The following HDLBP variants were observed in gnomAD, a reference collection of about 807,000 sequenced individuals.
The protein encoded by HDLBP is vigilin.
Under a neutral mutation model 137.3 loss-of-function variants are expected in HDLBP, and 30 were observed. The ratio of observed to expected loss-of-function variants is 0.22; its 90% CI spans 0.16 to 0.30. The LOEUF (loss-of-function observed/expected upper bound fraction) is 0.30, where lower values mean the gene tolerates loss of function less well. Ranked by LOEUF, HDLBP falls within the 10% of genes least tolerant of loss-of-function variation. The pLI is 1.00. For synonymous variants in HDLBP, 606 were observed against 596.0 expected (o/e 1.02, Z -0.24); for missense variants, 1,119 against 1,667.3 (o/e 0.67, Z 5.73).
At position 241,272,871 on chromosome 2, in the gene HDLBP, C is replaced by T. The variant is rs2074218661; in HGVS notation, c.-102-4330G>A. ...GGGCCCCGGCTGCTATATAGGGCGG[C>T]GGCCCAATCCCGCCTGGACACGTCA... On this transcript the variant is annotated intron_variant, in intron 1 of 27. Transcript: ENST00000310931. This position sits in a 1 kb window ranked among gnomAD's most constrained non-coding sequence, Gnocchi z 5.6. 8.3e-6 allele frequency: 3 copies of T among 360,316 alleles called. No homozygotes were observed. Among genetic ancestry groups the T allele is most frequent in the African/African-American group, 2.2e-5 (1 of 45,106 alleles). The allele number at this position is 360,316 out of a possible 1,614,324, so 22.3% of individuals were successfully genotyped here.
chr2:241,273,348 ATC>A, intron 1 of HDLBP: 1 of 632,486 alleles, frequency 1.6e-6, no homozygotes, highest in Non-Finnish European at 2.0e-6. Context: ...AATCAACTTA[ATC>A]TCCCCCCCAA....
At chr2:241,273,022 G>C in intron 1 of HDLBP, 1 of 985,392 alleles carries the variant, frequency 1.0e-6, no homozygotes, top group Non-Finnish European at 1.2e-6. Flanking sequence ...CCGAGGAGTT[G>C]GGAAATTAAT....
chr2:241,274,589 G>A (rs1330770413), intron 1 of HDLBP, among the ~76,000 whole-genome samples: 1 of 152,160 alleles, frequency 6.6e-6, no homozygotes. Context: ...ATAAAGCTAG[G>A]AAGTCAGCAC....
In HDLBP at chr2:241,248,083, T is replaced by C. The variant is rs745750949; in HGVS notation, c.1651A>G (p.Ser551Gly). 1 of 1,614,100 alleles carries C rather than the reference T, an allele frequency of 6.2e-7. No individual in the cohort carries two copies. Among genetic ancestry groups the C allele is most frequent in the Non-Finnish European group, 8.5e-7 (1 of 1,179,926 alleles). Residue 551 changes from serine to glycine, a missense_variant, in exon 14 of 28, where the codon AGT becomes GGT. Around this residue, in one of 4 missense-constraint regions of HDLBP, gnomAD observed 425 missense variants for 693.9 expected, o/e 0.61. Transcript: ENST00000310931. ...GGTCCTCTGAGCTGGACAATGTCAC[T>C]TTTTTGTGCTGGGTCTGGAAAGTTA... The part of the protein sequence containing the change: ...IINFPDPAQK[S>G]DIVQLRGPKN...
At chr2:241,305,148 G>A (rs935404189) in intron 1 of HDLBP, among the ~76,000 whole-genome samples, 6 of 152,206 alleles carry the variant, frequency 3.9e-5, no homozygotes, top group Admixed American at 6.5e-5. Flanking sequence ...TTGAGACGGA[G>A]TCTCGCTCTG....
intron 16 of HDLBP, among the ~76,000 whole-genome samples, chr2:241,243,945 C>T (rs574293047): frequency 6.6e-6 from 1 of 152,058 alleles, no homozygotes; most frequent in Non-Finnish European, 1.5e-5. Flanking sequence ...CCAGAAATGA[C>T]AGTGTTAGAA....
At chr2:241,246,530 C>CA in intron 16 of HDLBP, 2 of 470,898 alleles carry the variant, frequency 4.2e-6, no homozygotes, top group East Asian at 6.7e-5. Flanking sequence ...GACAAGTGCC[C>CA]ACGTCAAATG....
rs1327686697 is a variant in HDLBP, at chr2:241,238,376, G to A, written c.2749+273C>T. ...CACTGGGACTGAACTCGGGACACCC[G>A]AGGATGAGGCTGCACGCTCCTCATC... On this transcript the variant is annotated intron_variant, in intron 20 of 27. Transcript: ENST00000310931. This position sits in a 1 kb window ranked among gnomAD's most constrained non-coding sequence, Gnocchi z 4.9. 4 of 287,866 alleles carry A rather than the reference G, an allele frequency of 1.4e-5. No individual in the cohort carries two copies. Among genetic ancestry groups the A allele is most frequent in the South Asian group, 1.5e-4 (1 of 6,602 alleles). The allele number at this position is 287,866 out of a possible 1,614,324, so 17.8% of individuals were successfully genotyped here. A position where few individuals can be genotyped will look rare whatever the true frequency, so the allele number is the denominator to read the frequency against.
At position 241,230,593 on chromosome 2, in the gene HDLBP, G is replaced by A. The variant is rs992725882; in HGVS notation, c.3474+166C>T. Among the ~76,000 whole-genome samples the A allele has an allele frequency of 4.1e-4, 63 of 152,218 alleles. No homozygotes were observed. Among genetic ancestry groups the A allele is most frequent in the African/African-American group, 1.4e-3 (58 of 41,462 alleles). The stretch of plus-strand genomic sequence containing the variant: ...GTGGCAGTGCAGCCTCACACAGGCC[G>A]TCGCCTGCACTGACCCGTGGTGTCC... On this transcript the variant is annotated intron_variant, in intron 25 of 27. Transcript: ENST00000310931. This position sits in a 1 kb window ranked among gnomAD's most constrained non-coding sequence, Gnocchi z 5.0.
Position 241,262,882 on chromosome 2 carries a change from G to A in HDLBP, c.279C>T (p.Asn93=), listed in dbSNP as rs766589526. Residue 93 remains asparagine, a synonymous_variant, in exon 5 of 28, where the codon AAC becomes AAT. Coordinates refer to ENST00000310931, the MANE Select transcript of HDLBP (RefSeq NM_005336.6). The part of the protein sequence containing the change: ...PLEERKYKDM[N]QFGEGEQAKI... ...TTGCTTGTTCACCTTCTCCAAACTG[G>A]TTCATATCCTTGTATTTTCTCTCCT... 1.2e-6 allele frequency: 2 copies of A among 1,614,052 alleles called. No individual in the cohort carries two copies. The highest frequency in any genetic ancestry group is 2.2e-5 in the East Asian group (1 of 44,884).
intron 1 of HDLBP, among the ~76,000 whole-genome samples, chr2:241,302,882 A>G (rs2149699816): frequency 6.6e-6 from 1 of 152,260 alleles, no homozygotes; most frequent in Admixed American, 6.5e-5. Flanking sequence ...GGTTTGAAGG[A>G]TGACCAAGGA....
intron 1 of HDLBP, among the ~76,000 whole-genome samples, chr2:241,300,183 C>G (rs942834714): frequency 3.3e-5 from 5 of 152,120 alleles, no homozygotes; most frequent in Non-Finnish European, 5.9e-5. Flanking sequence ...CAAACAACTT[C>G]GAGGTCCACA....
chr2:241,231,611 C>A (rs1001455577), intron 24 of HDLBP, among the ~76,000 whole-genome samples: 2 of 152,136 alleles, frequency 1.3e-5, no homozygotes, highest in Admixed American at 6.5e-5. Flanking sequence ...CCCACGTGGG[C>A]CACAGTCTGG....
chr2:241,291,750 T>C (rs2075019210), intron 1 of HDLBP, among the ~76,000 whole-genome samples: 1 of 152,186 alleles, frequency 6.6e-6, no homozygotes, highest in African/African-American at 2.4e-5. Flanking sequence ...TACAGATGAA[T>C]TAAGAATCTT....
Position 241,262,861 on chromosome 2 carries a change from T to C in HDLBP, c.300A>G (p.Gln100=), listed in dbSNP as rs1214674611. 6.2e-7 allele frequency: 1 copy of C among 1,614,226 alleles called. No individual in the cohort carries two copies. The highest frequency in any genetic ancestry group is 8.5e-7 in the Non-Finnish European group (1 of 1,180,038). Residue 100 remains glutamine (Q), a synonymous_variant, in exon 5 of 28, where the codon CAA becomes CAG. Coordinates refer to ENST00000310931, the MANE Select transcript of HDLBP (RefSeq NM_005336.6). ...GCATGATCTCAAGGCAGATTTTTGCTTGTTCACCTTCTCCAAACTGGTTCA... is the reference window on the plus strand; with the variant it reads ...GCATGATCTCAAGGCAGATTTTTGCCTGTTCACCTTCTCCAAACTGGTTCA... ...KDMNQFGEGE[Q]AKICLEIMQR...
intron 1 of HDLBP, among the ~76,000 whole-genome samples, chr2:241,292,455 T>C (rs932741791): frequency 1.3e-5 from 2 of 152,172 alleles, no homozygotes; most frequent in African/African-American, 2.4e-5. Flanking sequence ...GAGACCTTCT[T>C]TGGATTTCAA....
Position 241,240,033 on chromosome 2 carries a change from C to A in HDLBP, c.2259G>T (p.Val753=), listed in dbSNP as rs747788022. ...TGACACGTGCTCCAGTGCTGTCGCGCACCTTGCGAATTTTGCCGCCCCCCT... is the reference window on the plus strand; with the variant it reads ...TGACACGTGCTCCAGTGCTGTCGCGAACCTTGCGAATTTTGCCGCCCCCCT... The part of the protein sequence containing the change: ...IGKGGGKIRK[V]RDSTGARVIF... Residue 753 remains valine, a synonymous_variant, in exon 18 of 28, where the codon GTG becomes GTT. Coordinates refer to ENST00000310931, the MANE Select transcript of HDLBP (RefSeq NM_005336.6). This position sits in a 1 kb window ranked among gnomAD's most constrained non-coding sequence, Gnocchi z 5.5. The A allele has an allele frequency of 1.2e-6, 2 of 1,614,200 alleles. No homozygotes were observed. The highest frequency in any genetic ancestry group is 4.5e-5 in the East Asian group (2 of 44,878).
chr2:241,265,599 G>A (rs1350554296), intron 3 of HDLBP, among the ~76,000 whole-genome samples: 1 of 152,222 alleles, frequency 6.6e-6, no homozygotes, highest in East Asian at 1.9e-4. Flanking sequence ...TCAAGGGTGT[G>A]ACTGTTTTGG....
At chr2:241,304,016 T>G (rs962128685) in intron 1 of HDLBP, among the ~76,000 whole-genome samples, 9 of 152,318 alleles carry the variant, frequency 5.9e-5, no homozygotes, top group Admixed American at 2.0e-4. Context: ...CTCACTTTGT[T>G]GCCTAGGCTG....
Sources: allele counts gnomAD v4.1 joint callset (sites outside exome capture counted in the v4.1 genomes callset), GRCh38; gene constraint gnomAD v4.1.1; regional missense constraint gnomAD v4.1.1; non-coding constraint Gnocchi (gnomAD v3.1); transcripts MANE v1.5; gene names NCBI Gene and HGNC (gene_info 2026-07-23, HGNC 2026-07-21).